The following RASAL2 variants were observed in gnomAD, a reference collection of about 807,000 sequenced individuals.
RASAL2 encodes the protein ras GTPase-activating protein nGAP.
In RASAL2, 58 loss-of-function variants were observed where a neutral mutation model predicts 128.9. That is an observed-to-expected ratio of 0.45 (90% CI 0.36 to 0.56). The LOEUF is 0.56. RASAL2 is among the 20% of genes least tolerant of loss of function. The probability of loss-of-function intolerance (pLI) is 0.00; values close to 1 mark genes in which losing one functional copy is unlikely to be tolerated. For missense variants in RASAL2, 1,360 were observed against 1,601.6 expected (o/e 0.85, Z 2.57); for synonymous variants, 561 against 580.8 (o/e 0.97, Z 0.49).
intron 5 of RASAL2, 145 bp from the exon 6 acceptor site, chr1:178,439,277 G>A (rs750044384): frequency 9.1e-6 from 6 of 659,828 alleles, no homozygotes; most frequent in Non-Finnish European, 1.5e-5. Flanking sequence ...TACTATTATT[G>A]TTACTGTAGA....
intron 1 of RASAL2, among the ~76,000 whole-genome samples, chr1:178,146,491 T>A (rs952416779): frequency 3.9e-5 from 6 of 152,264 alleles, no homozygotes; most frequent in Non-Finnish European, 7.3e-5. Flanking sequence ...CAAAAAATAC[T>A]GGTTGCGGCC....
At chr1:178,392,741 A>G (rs1672988024) in intron 4 of RASAL2, among the ~76,000 whole-genome samples, 1 of 152,070 alleles carries the variant, frequency 6.6e-6, no homozygotes, top group Non-Finnish European at 1.5e-5. Context: ...AGCTGATACT[A>G]CTGATTTTTC....
intron 1 of RASAL2, among the ~76,000 whole-genome samples, chr1:178,280,207 T>G (rs910553607): frequency 2.0e-5 from 3 of 152,272 alleles, no homozygotes; most frequent in Admixed American, 2.0e-4. Flanking sequence ...CAACTACATA[T>G]TTGTGAGTCC....
At chr1:178,159,278 A>C (rs1661188992) in intron 1 of RASAL2, among the ~76,000 whole-genome samples, 1 of 152,196 alleles carries the variant, frequency 6.6e-6, no homozygotes, top group Non-Finnish European at 1.5e-5. Flanking sequence ...CATTGACACA[A>C]GAAACATTGC....
intron 1 of RASAL2, among the ~76,000 whole-genome samples, chr1:178,219,789 G>C (rs547656995): frequency 9.2e-5 from 14 of 152,186 alleles, no homozygotes; most frequent in African/African-American, 2.6e-4. Flanking sequence ...TGAGATATGT[G>C]ACTCTTCCTT....
chr1:178,411,971 GACGGCACCC>G, intron 4 of RASAL2: 1 of 580,080 alleles, frequency 1.7e-6, no homozygotes, highest in South Asian at 2.0e-5. Context: ...ATCCCCTCTT[GACGGCACCC>G]ACAGGAAGTG....
intron 3 of RASAL2, among the ~76,000 whole-genome samples, chr1:178,300,518 GTGT>G (rs1322477923): frequency 2.0e-5 from 3 of 152,150 alleles, no homozygotes; most frequent in African/African-American, 2.4e-5. Flanking sequence ...GTAGCTACTG[GTGT>G]TGTCTTATAT....
At chr1:178,126,143 G>A (rs550299016) in intron 1 of RASAL2, among the ~76,000 whole-genome samples, 1 of 152,270 alleles carries the variant, frequency 6.6e-6, no homozygotes, top group Admixed American at 6.5e-5. Flanking sequence ...CTTGGACAAG[G>A]TCACAAAGCT....
chr1:178,394,478 CTATT>C (rs1487132901), intron 4 of RASAL2, among the ~76,000 whole-genome samples: 2 of 152,136 alleles, frequency 1.3e-5, no homozygotes, highest in Non-Finnish European at 2.9e-5. Flanking sequence ...TCTTTATACT[CTATT>C]TATAAAGTGA....
intron 3 of RASAL2, among the ~76,000 whole-genome samples, chr1:178,319,792 C>T (rs1281518779): frequency 6.6e-6 from 1 of 152,182 alleles, no homozygotes; most frequent in African/African-American, 2.4e-5. Context: ...CTTCTCTCAG[C>T]TCGTCAAAGT....
chr1:178,320,050 G>T (rs1668680436), intron 3 of RASAL2, among the ~76,000 whole-genome samples: 1 of 151,834 alleles, frequency 6.6e-6, no homozygotes, highest in Admixed American at 6.6e-5. Flanking sequence ...GGAATACCCT[G>T]CCATGTGAGG....
At chr1:178,187,090 A>C (rs191147378) in intron 1 of RASAL2, among the ~76,000 whole-genome samples, 4 of 152,228 alleles carry the variant, frequency 2.6e-5, no homozygotes, top group Admixed American at 2.6e-4. Context: ...GGCCTCCCAA[A>C]GTGCTGGGAT....
At chr1:178,196,285 A>G (rs1331256500) in intron 1 of RASAL2, among the ~76,000 whole-genome samples, 5 of 152,192 alleles carry the variant, frequency 3.3e-5, no homozygotes, top group Non-Finnish European at 7.3e-5. Context: ...CATGTTTAAA[A>G]CAACTAATAC....
At chr1:178,263,433 C>T (rs531285437) in intron 1 of RASAL2, among the ~76,000 whole-genome samples, 1 of 152,236 alleles carries the variant, frequency 6.6e-6, no homozygotes, top group East Asian at 1.9e-4. Flanking sequence ...TGACTAGAGT[C>T]ACATGGCTGG....
chr1:178,200,358 G>A (rs10913516), intron 1 of RASAL2, among the ~76,000 whole-genome samples: 12,092 of 152,230 alleles, frequency 0.079, 550 homozygotes, highest in Middle Eastern at 0.14. Context: ...CAAAATAAAT[G>A]CGTTTGACAT....
At chr1:178,295,257 CA>C (rs1006848274) in intron 2 of RASAL2, among the ~76,000 whole-genome samples, 17 of 138,534 alleles carry the variant, frequency 1.2e-4, no homozygotes, top group South Asian at 1.2e-3. Flanking sequence ...AAAAAAAAAA[CA>C]AAAAAAAACC....
At chr1:178,403,059 C>T (rs991307951) in intron 4 of RASAL2, among the ~76,000 whole-genome samples, 2 of 152,014 alleles carry the variant, frequency 1.3e-5, no homozygotes, top group Non-Finnish European at 2.9e-5. Flanking sequence ...ATGAGATTAG[C>T]ACAGTCTCTG....
intron 1 of RASAL2, among the ~76,000 whole-genome samples, chr1:178,158,863 A>G (rs1178504899): frequency 6.6e-6 from 1 of 152,234 alleles, no homozygotes; most frequent in African/African-American, 2.4e-5. Flanking sequence ...AATAGGTATC[A>G]ATCACTCTGA....
At chr1:178,413,923 T>G (rs934933322) in intron 4 of RASAL2, among the ~76,000 whole-genome samples, 1 of 152,044 alleles carries the variant, frequency 6.6e-6, no homozygotes, top group African/African-American at 2.4e-5. Flanking sequence ...GGAAAGAATT[T>G]CTGAGCTTGA....
Sources: allele counts gnomAD v4.1 joint callset (sites outside exome capture counted in the v4.1 genomes callset), GRCh38; gene constraint gnomAD v4.1.1; transcripts MANE v1.5; gene names NCBI Gene and HGNC (gene_info 2026-07-23, HGNC 2026-07-21).